RBM27: variants seen among roughly 807,000 people sequenced by gnomAD.
The protein encoded by RBM27 is RNA-binding protein 27.
A neutral mutation model predicts 135.3 loss-of-function variants in RBM27; 22 were observed. The ratio of observed to expected loss-of-function variants is 0.16; its 90% confidence interval spans 0.12 to 0.23. RBM27 has a LOEUF of 0.23. RBM27 is among the 10% of genes least tolerant of loss of function. The probability of loss-of-function intolerance (pLI) is 1.00; values close to 1 mark genes in which losing one functional copy is unlikely to be tolerated. For missense variants in RBM27, 1,009 were observed against 1,281.0 expected, an observed-to-expected ratio of 0.79 and a Z score of 3.24; for synonymous variants, 481 against 442.4, an observed-to-expected ratio of 1.09 and a Z score of -1.10.
chr5:146,266,352 G>A (rs1216743972), intron 14 of RBM27, among the ~76,000 whole-genome samples: 1 of 152,136 alleles, frequency 6.6e-6, no homozygotes, highest in Admixed American at 6.5e-5. Context: ...AAACTATGAA[G>A]TAAAGGAGAC....
At position 146,276,045 on chromosome 5, in the gene RBM27, G is replaced by A. The variant is rs558571034; in HGVS notation, c.2988+4371G>A. Among the ~76,000 whole-genome samples the A allele has an allele frequency of 1.3e-5, 2 of 152,056 alleles. 1 individual carries two copies. Among genetic ancestry groups the A allele is most frequent in the African/African-American group, 4.8e-5 (2 of 41,476 alleles). ...ACCTCCCAAAATGTTGGGATTACAG[G>A]CATGAGCCATTGCACCTGGCTAGTT... On this transcript the variant is annotated intron_variant, in intron 19 of 20. Transcript: ENST00000265271.
chr5:146,259,504 CAAAA>C (rs35438348), intron 11 of RBM27, among the ~76,000 whole-genome samples: 2,022 of 61,602 alleles, frequency 0.033, 54 homozygotes, highest in African/African-American at 0.13. Context: ...AACTCTGTCT[CAAAA>C]AAAAAAAAAA....
chr5:146,284,866 G>A (rs945460315), intron 20 of RBM27, 134 bp downstream of exon 20: 2 of 555,530 alleles, frequency 3.6e-6, no homozygotes, highest in Admixed American at 3.4e-5. Context: ...CCGTTTAGAT[G>A]TTTATTAGAG....
At chr5:146,285,496 T>C (rs1347418448) in intron 20 of RBM27, among the ~76,000 whole-genome samples, 1 of 152,128 alleles carries the variant, frequency 6.6e-6, no homozygotes, top group East Asian at 1.9e-4. Context: ...ATTTTAGATT[T>C]TTATATAAGA....
At chr5:146,229,202 T>C (rs1469812359) in intron 4 of RBM27, among the ~76,000 whole-genome samples, 165 bp downstream of exon 4, 2 of 152,198 alleles carry the variant, frequency 1.3e-5, no homozygotes, top group African/African-American at 4.8e-5. Flanking sequence ...TTTTGTCTTT[T>C]GTCTTACTTT....
intron 1 of RBM27, among the ~76,000 whole-genome samples, chr5:146,213,646 T>C (rs1378308911): frequency 6.6e-6 from 1 of 152,236 alleles, no homozygotes; most frequent in Non-Finnish European, 1.5e-5. Context: ...GTAGTGTTTT[T>C]TGGCTTGGGG....
At chr5:146,212,202 C>T (rs138416801) in intron 1 of RBM27, among the ~76,000 whole-genome samples, 9,927 of 151,878 alleles carry the variant, frequency 0.065, 373 homozygotes, top group African/African-American at 0.077. Flanking sequence ...ATTACAGGCA[C>T]GCGCCACCAC....
In RBM27 at chr5:146,288,652, T is replaced by G. The variant is rs537971068; in HGVS notation, c.*2622T>G. 1 of 152,228 alleles carries G rather than the reference T, an allele frequency of 6.6e-6. No individual in the cohort carries two copies. The highest frequency in any genetic ancestry group is 1.5e-5 in the Non-Finnish European group (1 of 67,946). 9.4% of individuals were successfully genotyped at this position (152,228 alleles called of 1,614,324 possible). On this transcript the variant is annotated 3_prime_UTR_variant, in exon 21 of 21. Transcript: ENST00000265271. ...GCATCTAAAGCAAGTTCTGTCCCTC[T>G]TAATGTGTATGACATCTTTTTAAGT...
In RBM27 at chr5:146,273,194, C is replaced by T. The variant is rs146039439; in HGVS notation, c.2988+1520C>T. The stretch of plus-strand genomic sequence containing the variant: ...GACTCATTGCAGAAAGTTTCAGTTA[C>T]AAAAAATAGTTAATCTTACTAGGGA... On this transcript the variant is annotated intron_variant, in intron 19 of 20. Transcript: ENST00000265271. Among the ~76,000 whole-genome samples, 441 of 152,208 alleles carry T rather than the reference C, an allele frequency of 2.9e-3. 5 individuals carry two copies. The highest frequency in any genetic ancestry group is 0.01 in the African/African-American group (427 of 41,540).
chr5:146,269,799 G>C (rs1447055019), intron 17 of RBM27, among the ~76,000 whole-genome samples: 1 of 136,308 alleles, frequency 7.3e-6, no homozygotes, highest in African/African-American at 2.8e-5. Context: ...TGCCCAGGTT[G>C]GCCTCAAATG....
At chr5:146,271,436 T>G in intron 18 of RBM27, 47 bp from the exon 19 acceptor site, 2 of 1,457,174 alleles carry the variant, frequency 1.4e-6, no homozygotes, top group Non-Finnish European at 1.9e-6. Context: ...GTTTTTAAGG[T>G]TTAGTCTAAT....
Position 146,233,533 on chromosome 5 carries a change from A to C in RBM27, c.934A>C (p.Ser312Arg), listed in dbSNP as rs759482041. The change falls in exon 7 of 21, where the codon AGT (serine) becomes CGT (arginine). Residue 312 changes from serine (S) to arginine (R), a missense_variant. This residue lies in a region of RBM27 where 329 missense variants were observed against 368.1 expected (regional missense o/e 0.89). Transcript: ENST00000265271. ...PLVVDEVALP[S>R]MIPFPPPPPG... Reference sequence around the variant, plus strand: ...AGTTGTTGATGAAGTTGCTCTGCCAAGTATGATTCCTTTCCCACCCCCTCC... The same window carrying C: ...AGTTGTTGATGAAGTTGCTCTGCCACGTATGATTCCTTTCCCACCCCCTCC... The C allele has an allele frequency of 7.4e-6, 12 of 1,613,272 alleles. No individual in the cohort carries two copies. Among genetic ancestry groups the C allele is most frequent in the Non-Finnish European group, 1.0e-5 (12 of 1,179,758 alleles).
chr5:146,224,059 A>G (rs1756566647), intron 3 of RBM27, among the ~76,000 whole-genome samples: 1 of 152,226 alleles, frequency 6.6e-6, no homozygotes, highest in Non-Finnish European at 1.5e-5. Context: ...GAAATTTTAC[A>G]GAGTTCTTTG....
Position 146,278,089 on chromosome 5 carries a change from A to G in RBM27, c.2988+6415A>G, listed in dbSNP as rs185597018. 2.0e-5 allele frequency among the ~76,000 whole-genome samples: 3 copies of G among 152,320 alleles called. No individual in the cohort carries two copies. In the East Asian group the frequency reaches 5.8e-4, roughly 29 times the overall value. On this transcript the variant is annotated intron_variant, in intron 19 of 20. Coordinates refer to ENST00000265271, the MANE Select transcript of RBM27 (RefSeq NM_018989.2). ...GAATGTTGTACTAATTTATACTTGT[A>G]GTGACATTGGATGAGAGTACCTATT...
chr5:146,235,903 C>T (rs1757139842), intron 7 of RBM27, among the ~76,000 whole-genome samples: 3 of 152,122 alleles, frequency 2.0e-5, no homozygotes, highest in East Asian at 1.9e-4. Context: ...GTTGCCCAGG[C>T]TGGTCTTGAA....
intron 13 of RBM27, 120 bp downstream of exon 13, chr5:146,261,926 GTAGC>G: frequency 2.0e-6 from 2 of 993,300 alleles, no homozygotes; most frequent in Non-Finnish European, 3.0e-6. Context: ...CTGCAGACCA[GTAGC>G]ATCTGATCTC....
rs188926354 is a variant in RBM27, at chr5:146,270,769, A to G, written c.2692-185A>G. ...TGCTTACTCTTTTTCACTGATATCT[A>G]TATACTTTTTACATGTTGGCACTAC... is the stretch of plus-strand genomic sequence containing the variant. On this transcript the variant is annotated intron_variant, in intron 17 of 20. Transcript: ENST00000265271. Among the ~76,000 whole-genome samples, 67 of 152,150 alleles carry G rather than the reference A, an allele frequency of 4.4e-4. No homozygotes were observed. The East Asian group carries it at 9.8e-3, about 22-fold the overall frequency.
At chr5:146,272,515 A>C (rs779874094) in intron 19 of RBM27, among the ~76,000 whole-genome samples, 41 of 152,116 alleles carry the variant, frequency 2.7e-4, no homozygotes, top group Non-Finnish European at 5.9e-5. Flanking sequence ...GTCAGTCAGG[A>C]GTTTGAGACC....
chr5:146,284,677 A>T lies in RBM27; in HGVS notation c.3044A>T (p.Lys1015Met). 6.2e-7 allele frequency: 1 copy of T among 1,613,716 alleles called. No homozygotes were observed. The highest frequency in any genetic ancestry group is 8.5e-7 in the Non-Finnish European group (1 of 1,179,704). ...CGTCGGCTACAGATATCATGGCACAAGCCCAAGGTACCATCTATATCCACT... is the reference window on the plus strand; with the variant it reads ...CGTCGGCTACAGATATCATGGCACATGCCCAAGGTACCATCTATATCCACT... ...KDRRLQISWHKPKVPSISTET... is the reference protein window; with the variant it reads ...KDRRLQISWHMPKVPSISTET... Residue 1015 changes from lysine (K) to methionine (M), a missense_variant, in exon 20 of 21, where the codon AAG becomes ATG. By Grantham distance (95) the Lys-to-Met change is moderately conservative (BLOSUM62 -1). Around this residue, in one of 6 missense-constraint regions of RBM27, gnomAD observed 355 missense variants for 427.3 expected, o/e 0.83. Transcript: ENST00000265271.
Sources: gnomAD v4.1 joint callset for allele counts (sites outside exome capture counted in the v4.1 genomes callset) on GRCh38, gnomAD v4.1.1 for gene constraint, gnomAD v4.1.1 regional missense constraint, MANE v1.5 for transcripts, NCBI Gene and HGNC (gene_info 2026-07-23, HGNC 2026-07-21) for gene names.